Variants in KCNIP4 observed in about 807,000 individuals in gnomAD.
The protein encoded by KCNIP4 is Kv channel-interacting protein 4.
KCNIP4 carries 12 observed loss-of-function variants against 34.0 expected under a neutral mutation model. The observed-to-expected ratio is 0.35, with a 90% CI of 0.23 to 0.57. The LOEUF (loss-of-function observed/expected upper bound fraction) is 0.57. Among genes scored for constraint, KCNIP4 ranks in the 20% least tolerant of loss-of-function variants. KCNIP4 has a pLI of 0.83. For missense variants in KCNIP4, 238 were observed against 311.7 expected (o/e 0.76, Z 1.78); for synonymous variants, 124 against 102.2 (o/e 1.21, Z -1.29).
chr4:21,270,394 G>GA (rs34503133), intron 1 of KCNIP4, among the ~76,000 whole-genome samples: 38,901 of 151,974 alleles, frequency 0.26, 5,127 homozygotes, highest in South Asian at 0.35. Context: ...CTCGAGGAGT[G>GA]CTGCTGAGGG....
chr4:21,261,562 A>G (rs1761470475), intron 1 of KCNIP4, among the ~76,000 whole-genome samples: 1 of 152,190 alleles, frequency 6.6e-6, no homozygotes, highest in Admixed American at 6.5e-5. Flanking sequence ...TATTAACCTT[A>G]GCATTATCCC....
At chr4:21,818,220 C>T (rs1482980448) in intron 1 of KCNIP4, among the ~76,000 whole-genome samples, 1 of 152,156 alleles carries the variant, frequency 6.6e-6, no homozygotes, top group Admixed American at 6.5e-5. Flanking sequence ...ATAGAAAGAA[C>T]CTACATTGAA....
At chr4:21,661,360 C>T (rs1053933824) in intron 1 of KCNIP4, among the ~76,000 whole-genome samples, 6 of 152,096 alleles carry the variant, frequency 3.9e-5, no homozygotes, top group South Asian at 2.1e-4. Flanking sequence ...TTCACTGAGC[C>T]GCTTAACACT....
intron 1 of KCNIP4, among the ~76,000 whole-genome samples, chr4:21,070,579 A>G (rs1216987624): frequency 6.7e-6 from 1 of 149,658 alleles, no homozygotes; most frequent in Non-Finnish European, 1.5e-5. Context: ...CTGGACACCC[A>G]TATTTTCTTT....
chr4:20,868,694 T>C (rs1723113548), intron 2 of KCNIP4, among the ~76,000 whole-genome samples: 1 of 152,000 alleles, frequency 6.6e-6, no homozygotes, highest in African/African-American at 2.4e-5. Flanking sequence ...TTCAGCAACA[T>C]GAATAGGGCT....
chr4:21,697,484 A>T lies in KCNIP4; in HGVS notation c.61+251087T>A, dbSNP rs748179657. 2.2e-6 allele frequency: 3 copies of T among 1,373,228 alleles called. No homozygotes were observed. In the African/African-American group the frequency reaches 4.9e-5, roughly 23 times the overall value. The allele number at this position is 1,373,228 out of a possible 1,614,324, so 85.1% of individuals were successfully genotyped here. On this transcript the variant is annotated intron_variant, in intron 1 of 8. Coordinates refer to ENST00000382152, the MANE Select transcript of KCNIP4 (RefSeq NM_025221.6). Reference sequence around the variant, plus strand: ...CTGAGGAGAGCCAGAAGTCTTTGCCAATAATAATAATAATAATAATAAAAA... The same window carrying T: ...CTGAGGAGAGCCAGAAGTCTTTGCCTATAATAATAATAATAATAATAAAAA...
At chr4:20,990,447 C>T (rs1736990083) in intron 1 of KCNIP4, among the ~76,000 whole-genome samples, 1 of 152,172 alleles carries the variant, frequency 6.6e-6, no homozygotes, top group South Asian at 2.1e-4. Flanking sequence ...GTTTTGAATG[C>T]CCTATTGAAT....
chr4:21,711,564 A>G (rs1713731907), intron 1 of KCNIP4, among the ~76,000 whole-genome samples: 1 of 152,220 alleles, frequency 6.6e-6, no homozygotes, highest in African/African-American at 2.4e-5. Context: ...ATATAAAACT[A>G]AAATGTGTAA....
At chr4:21,512,810 G>T (rs1176103839) in intron 1 of KCNIP4, among the ~76,000 whole-genome samples, 1 of 152,136 alleles carries the variant, frequency 6.6e-6, no homozygotes, top group African/African-American at 2.4e-5. Context: ...CTGAATAAAG[G>T]TCTACATAAT....
rs531889399 is a variant in KCNIP4, at chr4:21,683,131, T to A, written c.61+265440A>T. ...TGTATGTTTTATATTCTCCACTAAA[T>A]GTCAAGCTCCTTTATGGTGCAGCTA... On this transcript the variant is annotated intron_variant, in intron 1 of 8. Coordinates refer to ENST00000382152, the MANE Select transcript of KCNIP4 (RefSeq NM_025221.6). 2.6e-5 allele frequency among the ~76,000 whole-genome samples: 4 copies of A among 152,314 alleles called. No homozygotes were observed. The South Asian group carries it at 8.3e-4, about 32-fold the overall frequency.
chr4:21,088,036 T>C (rs1746625866), intron 1 of KCNIP4, among the ~76,000 whole-genome samples: 1 of 152,188 alleles, frequency 6.6e-6, no homozygotes, highest in African/African-American at 2.4e-5. Flanking sequence ...ACCTTGCTTC[T>C]GAGTTCCAAA....
intron 1 of KCNIP4, among the ~76,000 whole-genome samples, chr4:21,006,309 G>C (rs1738554373): frequency 6.6e-6 from 1 of 152,182 alleles, no homozygotes; most frequent in African/African-American, 2.4e-5. Context: ...ACAGGGTAAG[G>C]TAATAGAGGC....
intron 1 of KCNIP4, among the ~76,000 whole-genome samples, chr4:21,716,202 T>C (rs1714360944): frequency 6.6e-6 from 1 of 152,156 alleles, no homozygotes; most frequent in African/African-American, 2.4e-5. Flanking sequence ...AGTGACTCAG[T>C]TTACGTATGG....
intron 1 of KCNIP4, among the ~76,000 whole-genome samples, chr4:21,827,123 A>T (rs1215373368): frequency 6.6e-6 from 1 of 152,102 alleles, no homozygotes; most frequent in Non-Finnish European, 1.5e-5. Flanking sequence ...CAATTGGTTG[A>T]ATACATAATG....
intron 1 of KCNIP4, among the ~76,000 whole-genome samples, chr4:20,945,468 T>C (rs561344001): frequency 6.6e-6 from 1 of 152,310 alleles, no homozygotes; most frequent in Admixed American, 6.5e-5. Context: ...CCTTGCTTCC[T>C]TGTTGGTATA....
chr4:21,928,543 T>C (rs1729395295), intron 1 of KCNIP4, among the ~76,000 whole-genome samples: 1 of 152,044 alleles, frequency 6.6e-6, no homozygotes, highest in South Asian at 2.1e-4. Flanking sequence ...AACATATAAA[T>C]TAGAAGAGTT....
chr4:20,913,644 T>C (rs1250866352), intron 1 of KCNIP4, among the ~76,000 whole-genome samples: 1 of 152,200 alleles, frequency 6.6e-6, no homozygotes, highest in African/African-American at 2.4e-5. Flanking sequence ...CCAATTACAC[T>C]ACTGCAGCTC....
Position 21,173,276 on chromosome 4 carries a change from A to C in KCNIP4, c.62-290567T>G, listed in dbSNP as rs527361310. ...AAGTGCTAGGTTTGGGGGAAAAAAA[A>C]CCACTTTGTAAATATCCACTACACT... On this transcript the variant is annotated intron_variant, in intron 1 of 8. Coordinates refer to ENST00000382152, the MANE Select transcript of KCNIP4 (RefSeq NM_025221.6). 6.6e-5 allele frequency among the ~76,000 whole-genome samples: 10 copies of C among 152,204 alleles called. No individual in the cohort carries two copies. The South Asian group carries it at 1.9e-3, about 28-fold the overall frequency.
intron 1 of KCNIP4, among the ~76,000 whole-genome samples, chr4:21,687,255 C>T (rs1750879003): frequency 6.8e-6 from 1 of 146,552 alleles, no homozygotes; most frequent in African/African-American, 2.5e-5. Context: ...ACCAGCATGG[C>T]ACATGTATAC....
Sources: allele counts gnomAD v4.1 joint callset (sites outside exome capture counted in the v4.1 genomes callset), GRCh38; gene constraint gnomAD v4.1.1; transcripts MANE v1.5; gene names NCBI Gene and HGNC (gene_info 2026-07-23, HGNC 2026-07-21).